Variants in CNOT8 observed in about 807,000 individuals in gnomAD.
CNOT8 encodes CAF1-like protein.
In CNOT8, 18 loss-of-function variants were observed where a neutral mutation model predicts 34.6. That is an observed-to-expected ratio of 0.52 (90% CI 0.36 to 0.77). CNOT8 has a LOEUF of 0.77. Among genes scored for constraint, CNOT8 ranks in the 30% least tolerant of loss-of-function variants. The pLI is 0.00. For missense variants in CNOT8, 189 were observed against 347.9 expected (o/e 0.54, Z 3.63); for synonymous variants, 101 against 118.8 (o/e 0.85, Z 0.98).
In CNOT8 at chr5:154,871,889, T is replaced by C. The variant is rs1762511562; in HGVS notation, c.618+15T>C. ...AAAATCTTAAGGTATATGATGTTTT[T>C]CTTAATACCAGTAACAAAAAGAAGG... On this transcript the variant is annotated intron_variant, in intron 5 of 6. Coordinates refer to ENST00000285896, the MANE Select transcript of CNOT8 (RefSeq NM_001301073.2). The C allele has an allele frequency of 6.2e-7, 1 of 1,600,658 alleles. No individual in the cohort carries two copies.
chr5:154,860,496 C>CG (rs1369907159), intron 1 of CNOT8, among the ~76,000 whole-genome samples: 14 of 152,198 alleles, frequency 9.2e-5, no homozygotes, highest in East Asian at 5.8e-4. Flanking sequence ...TTTGTAGAGA[C>CG]GGGGTCTCAC....
At chr5:154,874,570 T>C (rs1219164729) in intron 6 of CNOT8, among the ~76,000 whole-genome samples, 1 of 152,090 alleles carries the variant, frequency 6.6e-6, no homozygotes, top group Non-Finnish European at 1.5e-5. Context: ...AGTCTTGCAT[T>C]GTCACCCAGG....
At chr5:154,867,441 G>A (rs1037940452) in intron 3 of CNOT8, among the ~76,000 whole-genome samples, 1 of 152,088 alleles carries the variant, frequency 6.6e-6, no homozygotes, top group African/African-American at 2.4e-5. Context: ...CATGTTACAA[G>A]TTATTTAATT....
At chr5:154,871,635 G>T in intron 4 of CNOT8, 95 bp from the exon 5 acceptor site, 4 of 1,015,958 alleles carry the variant, frequency 3.9e-6, no homozygotes, top group South Asian at 1.5e-5. Context: ...TTCCTAACAT[G>T]AAGTAGCATT....
chr5:154,871,317 G>A (rs1194562738), intron 4 of CNOT8, among the ~76,000 whole-genome samples: 1 of 152,070 alleles, frequency 6.6e-6, no homozygotes, highest in Middle Eastern at 3.2e-3. Context: ...CCAGCACTTT[G>A]GGAGGCTGAG....
intron 3 of CNOT8, chr5:154,867,736 C>G (rs1222866023): frequency 4.0e-6 from 1 of 249,156 alleles, no homozygotes; most frequent in African/African-American, 2.8e-5. Flanking sequence ...GTTGCTTGAG[C>G]TAAAAGACAT....
chr5:154,864,448 A>C (rs1761667827), intron 2 of CNOT8, among the ~76,000 whole-genome samples: 1 of 149,212 alleles, frequency 6.7e-6, no homozygotes, highest in Admixed American at 6.7e-5. Flanking sequence ...ACAGAGCGAG[A>C]CTCCGTCCCA....
chr5:154,865,515 CT>C (rs776019905), intron 3 of CNOT8, 130 bp downstream of exon 3: 2 of 549,028 alleles, frequency 3.6e-6, no homozygotes, highest in Non-Finnish European at 6.1e-6. Context: ...GCTTAAAGAA[CT>C]GCAGCAGCTC....
Position 154,870,773 on chromosome 5 carries a change from A to G in CNOT8, c.424A>G (p.Thr142Ala). Reference protein sequence around the residue: ...DTLHFAELLMTSGVVLCDNVK... With the variant: ...DTLHFAELLMASGVVLCDNVK... The stretch of plus-strand genomic sequence containing the variant: ...ACTGCACTTTGCAGAGCTGCTTATG[A>G]CATCAGGAGTGGTTCTCTGTGACAA... The change falls in exon 4 of 7, where the codon ACA becomes GCA. Residue 142 changes from threonine to alanine, a missense_variant. Coordinates refer to ENST00000285896, the MANE Select transcript of CNOT8 (RefSeq NM_001301073.2). The G allele has an allele frequency of 6.2e-7, 1 of 1,614,134 alleles. No homozygotes were observed. The highest frequency in any genetic ancestry group is 8.5e-7 in the Non-Finnish European group (1 of 1,180,002).
At chr5:154,867,772 T>G (rs138575221) in intron 3 of CNOT8, 1 of 200,664 alleles carries the variant, frequency 5.0e-6, no homozygotes, top group East Asian at 1.7e-4. Context: ...ACATACCCAT[T>G]ACATTTCTAG....
intron 1 of CNOT8, among the ~76,000 whole-genome samples, chr5:154,860,950 C>T (rs983009089): frequency 3.3e-5 from 5 of 152,044 alleles, no homozygotes; most frequent in South Asian, 2.1e-4. Context: ...TTTGCTTTTA[C>T]GGAAACATCT....
chr5:154,861,006 T>C (rs1282140989), intron 1 of CNOT8, among the ~76,000 whole-genome samples: 5 of 152,188 alleles, frequency 3.3e-5, no homozygotes, highest in African/African-American at 7.2e-5. Flanking sequence ...AAAGTAGTTA[T>C]GGTTATGTTT....
intron 6 of CNOT8, among the ~76,000 whole-genome samples, chr5:154,872,882 C>T (rs1210670517): frequency 6.6e-6 from 1 of 152,200 alleles, no homozygotes; most frequent in Non-Finnish European, 1.5e-5. Flanking sequence ...TTTTCTTCTG[C>T]CTCAGCCTCC....
rs1762949135 is a variant in CNOT8 at position 154,876,759 on chromosome 5, T to C, written c.*1320T>C. ...GTAAATACTATTTATGTTTTTAATT[T>C]TGTAAAATAAAGATTTCTTTTTAAC... On this transcript the variant is annotated 3_prime_UTR_variant, in exon 7 of 7. Transcript: ENST00000285896. 6.6e-6 allele frequency: 1 copy of C among 152,652 alleles called. No homozygotes were observed. The highest frequency in any genetic ancestry group is 1.5e-5 in the Non-Finnish European group (1 of 68,048). 9.5% of individuals were successfully genotyped at this position (152,652 alleles called of 1,614,324 possible).
chr5:154,874,563 C>A (rs938686093), intron 6 of CNOT8, among the ~76,000 whole-genome samples: 7 of 152,060 alleles, frequency 4.6e-5, no homozygotes, highest in African/African-American at 1.7e-4. Context: ...GAGACGGAGT[C>A]TTGCATTGTC....
chr5:154,873,277 G>C (rs1762651099), intron 6 of CNOT8, among the ~76,000 whole-genome samples: 1 of 152,304 alleles, frequency 6.6e-6, no homozygotes, highest in South Asian at 2.1e-4. Context: ...TATTCTGCAT[G>C]TCACATGTTT....
At chr5:154,866,267 T>A (rs983219328) in intron 3 of CNOT8, among the ~76,000 whole-genome samples, 2 of 152,148 alleles carry the variant, frequency 1.3e-5, no homozygotes, top group Non-Finnish European at 2.9e-5. Context: ...GCTTATCTGA[T>A]CCTCCCACGT....
At chr5:154,866,000 C>G (rs746462359) in intron 3 of CNOT8, among the ~76,000 whole-genome samples, 11 of 152,136 alleles carry the variant, frequency 7.2e-5, no homozygotes, top group Non-Finnish European at 1.5e-4. Flanking sequence ...AATATTTCTT[C>G]AAGGTCTTGC....
intron 2 of CNOT8, among the ~76,000 whole-genome samples, chr5:154,864,419 C>T (rs1007563895): frequency 2.6e-5 from 4 of 151,726 alleles, no homozygotes; most frequent in African/African-American, 9.7e-5. Flanking sequence ...GATCGTGCCA[C>T]TGCACTCCAG....
Sources: allele counts gnomAD v4.1 joint callset (sites outside exome capture counted in the v4.1 genomes callset), GRCh38; gene constraint gnomAD v4.1.1; transcripts MANE v1.5; gene names NCBI Gene and HGNC (gene_info 2026-07-23, HGNC 2026-07-21).